The following RPRD1B variants were observed in gnomAD, a reference collection of about 807,000 sequenced individuals.
The protein encoded by RPRD1B is regulation of nuclear pre-mRNA domain containing 1B.
RPRD1B carries 11 observed loss-of-function variants against 41.5 expected under a neutral mutation model. The observed-to-expected ratio is 0.27, with a 90% CI of 0.17 to 0.44. RPRD1B has a LOEUF of 0.44. Among genes scored for constraint, RPRD1B ranks in the 20% least tolerant of loss-of-function variants. The pLI is 1.00. For synonymous variants in RPRD1B, 158 were observed against 155.6 expected (o/e 1.02, Z -0.12); for missense variants, 248 against 389.9 (o/e 0.64, Z 3.06).
intron 1 of RPRD1B, among the ~76,000 whole-genome samples, chr20:38,037,848 G>A (rs1232841307): frequency 6.6e-6 from 1 of 151,784 alleles, no homozygotes; most frequent in African/African-American, 2.4e-5. Context: ...TTTACAATAT[G>A]GATTCTAGGT....
chr20:38,066,265 A>G lies in RPRD1B; in HGVS notation c.831+9A>G. The stretch of plus-strand genomic sequence containing the variant: ...AGGAGAAAAAACTAGAGGTGAGTGC[A>G]TTGAAGGCAGACCCAGACTGCCCAC... On this transcript the variant is annotated intron_variant, in intron 6 of 6. Coordinates refer to ENST00000373433, the MANE Select transcript of RPRD1B (RefSeq NM_021215.4). 4 of 1,613,442 alleles carry G rather than the reference A, an allele frequency of 2.5e-6. No homozygotes were observed. The highest frequency in any genetic ancestry group is 3.4e-6 in the Non-Finnish European group (4 of 1,179,450).
chr20:38,066,810 C>G (rs867298992), intron 6 of RPRD1B, among the ~76,000 whole-genome samples: 2 of 152,160 alleles, frequency 1.3e-5, no homozygotes, highest in African/African-American at 2.4e-5. Flanking sequence ...CGTCCACCAC[C>G]ACGCCTGGCT....
At chr20:38,065,304 G>A (rs189143878) in intron 5 of RPRD1B, among the ~76,000 whole-genome samples, 57 of 152,228 alleles carry the variant, frequency 3.7e-4, no homozygotes, top group Admixed American at 3.7e-3. Context: ...TTCTGGCGGG[G>A]AGGGGGTCTT....
chr20:38,089,674 T>C (rs2074595369), intron 6 of RPRD1B, 52 bp from the exon 7 acceptor site: 1 of 1,496,190 alleles, frequency 6.7e-7, no homozygotes, highest in Non-Finnish European at 9.3e-7. Context: ...GCAGCACCCA[T>C]GCCCTCGGCA....
At chr20:38,086,113 C>T (rs1313151510) in intron 6 of RPRD1B, among the ~76,000 whole-genome samples, 1 of 152,090 alleles carries the variant, frequency 6.6e-6, no homozygotes, top group Admixed American at 6.6e-5. Flanking sequence ...CCTTGTCTAG[C>T]CTGGAGTCAC....
At chr20:38,089,653 G>C (rs548394399) in intron 6 of RPRD1B, 73 bp from the exon 7 acceptor site, 2 of 1,265,818 alleles carry the variant, frequency 1.6e-6, no homozygotes, top group Non-Finnish European at 2.3e-6. Flanking sequence ...GAGAGTAGCT[G>C]CCCGGCTCCA....
intron 6 of RPRD1B, among the ~76,000 whole-genome samples, chr20:38,082,048 C>G (rs547137538): frequency 1.2e-4 from 18 of 152,312 alleles, no homozygotes; most frequent in African/African-American, 4.3e-4. Flanking sequence ...GTTTTGGTAT[C>G]AGAATGATGC....
intron 6 of RPRD1B, among the ~76,000 whole-genome samples, chr20:38,086,180 C>A (rs1038757822): frequency 6.6e-6 from 1 of 152,122 alleles, no homozygotes; most frequent in Non-Finnish European, 1.5e-5. Context: ...GTTTGGAAAG[C>A]CTGAATCTGT....
chr20:38,040,576 G>T lies in RPRD1B; in HGVS notation c.281+12G>T. ...TCTCATGTTGCCAGGTATGTTGTCT[G>T]TTTTTTGGATTTGTTTTTAAATTCA... On this transcript the variant is annotated intron_variant, in intron 2 of 6. Coordinates refer to ENST00000373433, the MANE Select transcript of RPRD1B (RefSeq NM_021215.4). 2 of 1,576,578 alleles carry T rather than the reference G, an allele frequency of 1.3e-6. No individual in the cohort carries two copies. Among genetic ancestry groups the T allele is most frequent in the East Asian group, 2.3e-5 (1 of 43,102 alleles).
At chr20:38,035,471 A>G (rs192128137) in intron 1 of RPRD1B, among the ~76,000 whole-genome samples, 58 of 152,352 alleles carry the variant, frequency 3.8e-4, no homozygotes, top group African/African-American at 1.4e-3. Flanking sequence ...TCAGACTACA[A>G]CAGGCTGGCA....
intron 6 of RPRD1B, among the ~76,000 whole-genome samples, chr20:38,066,802 TCCA>T (rs1465563381): frequency 2.0e-5 from 3 of 152,022 alleles, no homozygotes; most frequent in African/African-American, 7.2e-5. Context: ...ACTACAGGCG[TCCA>T]CCACCACGCC....
Position 38,091,633 on chromosome 20 carries a change from C to T in RPRD1B, c.*1758C>T. The stretch of plus-strand genomic sequence containing the variant: ...GCTGCTGCTGCACTCCCCAACCTCT[C>T]CCCCACCCCCCGTGGTGTGCTGCTT... On this transcript the variant is annotated 3_prime_UTR_variant, in exon 7 of 7. Coordinates refer to ENST00000373433, the MANE Select transcript of RPRD1B (RefSeq NM_021215.4). 3 of 985,650 alleles carry T rather than the reference C, an allele frequency of 3.0e-6. No individual in the cohort carries two copies. In the African/African-American group the frequency reaches 5.2e-5, roughly 17 times the overall value. 61.1% of individuals were successfully genotyped at this position (985,650 alleles called of 1,614,324 possible).
At position 38,090,610 on chromosome 20, in the gene RPRD1B, G is replaced by C. The variant is rs2074604093; in HGVS notation, c.*735G>C. On this transcript the variant is annotated 3_prime_UTR_variant, in exon 7 of 7. Coordinates refer to ENST00000373433, the MANE Select transcript of RPRD1B (RefSeq NM_021215.4). ...AAGTTCCTAGATACAACCTTCCCATGCTGCACTTCTCCACTGTCGGAGCAC... is the reference window on the plus strand; with the variant it reads ...AAGTTCCTAGATACAACCTTCCCATCCTGCACTTCTCCACTGTCGGAGCAC... 2 of 985,512 alleles carry C rather than the reference G, an allele frequency of 2.0e-6. No homozygotes were observed. Among genetic ancestry groups the C allele is most frequent in the Middle Eastern group, 1.0e-3 (2 of 1,912 alleles). 61.0% of individuals were successfully genotyped at this position (985,512 alleles called of 1,614,324 possible).
chr20:38,071,616 CT>C (rs2074414193), intron 6 of RPRD1B, among the ~76,000 whole-genome samples: 1 of 152,192 alleles, frequency 6.6e-6, no homozygotes, highest in Non-Finnish European at 1.5e-5. Flanking sequence ...AACCATCAGA[CT>C]GTTTTCCACA....
chr20:38,038,396 G>A (rs1392745558), intron 1 of RPRD1B, among the ~76,000 whole-genome samples: 1 of 147,976 alleles, frequency 6.8e-6, no homozygotes, highest in East Asian at 2.0e-4. Flanking sequence ...TGCAACCTCC[G>A]CCTCCCAGGT....
chr20:38,050,076 A>G (rs1342433612), intron 3 of RPRD1B, among the ~76,000 whole-genome samples: 1 of 152,168 alleles, frequency 6.6e-6, no homozygotes, highest in East Asian at 1.9e-4. Context: ...GTCTGGGCCC[A>G]TGTGGTCATT....
At chr20:38,060,077 C>T (rs1338952185) in intron 5 of RPRD1B, among the ~76,000 whole-genome samples, 1 of 152,174 alleles carries the variant, frequency 6.6e-6, no homozygotes, top group Non-Finnish European at 1.5e-5. Flanking sequence ...AGGAATGAAG[C>T]ATGAACTAAT....
At position 38,090,315 on chromosome 20, in the gene RPRD1B, G is replaced by T; in HGVS notation, c.*440G>T. 1.0e-6 allele frequency: 1 copy of T among 987,166 alleles called. No individual in the cohort carries two copies. Among genetic ancestry groups the T allele is most frequent in the Non-Finnish European group, 1.2e-6 (1 of 830,880 alleles). 61.2% of individuals were successfully genotyped at this position (987,166 alleles called of 1,614,324 possible). On this transcript the variant is annotated 3_prime_UTR_variant, in exon 7 of 7. Coordinates refer to ENST00000373433, the MANE Select transcript of RPRD1B (RefSeq NM_021215.4). ...GGTGTGGGCTTCCACTAAGGCACTT[G>T]TCCTGGAGACGTTGGCTTTCCCAGC...
At chr20:38,073,732 A>G (rs1489885736) in intron 6 of RPRD1B, among the ~76,000 whole-genome samples, 2 of 152,204 alleles carry the variant, frequency 1.3e-5, no homozygotes, top group African/African-American at 4.8e-5. Flanking sequence ...GTGTCCTATC[A>G]TGGTAAGGAC....
Sources: gnomAD v4.1 joint callset for allele counts (sites outside exome capture counted in the v4.1 genomes callset) on GRCh38, gnomAD v4.1.1 for gene constraint, MANE v1.5 for transcripts, NCBI Gene and HGNC (gene_info 2026-07-23, HGNC 2026-07-21) for gene names.